Variants in OSBPL9 observed in about 807,000 individuals in gnomAD.
OSBPL9 encodes oxysterol binding protein like 9, also known as oxysterol-binding protein-related protein 9.
Under a neutral mutation model 106.6 loss-of-function variants are expected in OSBPL9, and 40 were observed. The ratio of observed to expected loss-of-function variants is 0.38; its 90% CI spans 0.29 to 0.49. OSBPL9 has a LOEUF of 0.49. Ranked by LOEUF, OSBPL9 falls within the 20% of genes least tolerant of loss-of-function variation. The pLI is 0.97. For missense variants in OSBPL9, 609 were observed against 887.2 expected (o/e 0.69, Z 3.98); for synonymous variants, 269 against 295.4 (o/e 0.91, Z 0.92).
At chr1:51,574,625 A>G (rs1271782334), upstream of OSBPL9, among the ~76,000 whole-genome samples, 3 of 152,202 alleles carry the variant, frequency 2.0e-5, no homozygotes, top group Admixed American at 2.0e-4. Context: ...TATCAAAAAA[A>G]AAATAATAAT....
chr1:51,633,234 C>T (rs1289853746), intron 1 of OSBPL9, among the ~76,000 whole-genome samples: 1 of 150,992 alleles, frequency 6.6e-6, no homozygotes, highest in African/African-American at 2.4e-5. Context: ...GCTGGGATTA[C>T]AGGTGTCAGC....
chr1:51,565,356 T>G, the OSBPL9 span, among the ~76,000 whole-genome samples: 1 of 152,186 alleles, frequency 6.6e-6, no homozygotes, highest in Admixed American at 6.5e-5. Flanking sequence ...ACCATGTTAT[T>G]TCCTAACTAA....
chr1:51,752,193 A>G (rs1440774598), intron 8 of OSBPL9, among the ~76,000 whole-genome samples: 2 of 151,996 alleles, frequency 1.3e-5, no homozygotes, highest in Non-Finnish European at 2.9e-5. Context: ...CCATTCCAGT[A>G]ACATTGGCTC....
chr1:51,579,515 A>G (rs1001912796), intron 1 of OSBPL9, among the ~76,000 whole-genome samples: 1 of 152,256 alleles, frequency 6.6e-6, no homozygotes, highest in South Asian at 2.1e-4. Context: ...TCAAAAGAGA[A>G]TTTGCTAGAT....
chr1:51,601,267 G>A (rs563823446), intron 2 of OSBPL9, among the ~76,000 whole-genome samples: 2 of 152,360 alleles, frequency 1.3e-5, no homozygotes, highest in South Asian at 2.1e-4. Flanking sequence ...AAATTACTGT[G>A]TAGTCCTGGG....
chr1:51,766,072 G>A, intron 12 of OSBPL9, 91 bp downstream of exon 12: 1 of 1,245,046 alleles, frequency 8.0e-7, no homozygotes, highest in African/African-American at 1.6e-5. Context: ...TGACAGACTT[G>A]CCTCATCAGT....
At chr1:51,741,814 T>C (rs1666984769) in intron 4 of OSBPL9, among the ~76,000 whole-genome samples, 1 of 152,190 alleles carries the variant, frequency 6.6e-6, no homozygotes, top group Non-Finnish European at 1.5e-5. Flanking sequence ...TTGTGTATAA[T>C]TTAAACTTTA....
intron 2 of OSBPL9, among the ~76,000 whole-genome samples, chr1:51,667,523 C>CAG (rs1156787526): frequency 6.6e-6 from 1 of 152,122 alleles, no homozygotes; most frequent in Non-Finnish European, 1.5e-5. Context: ...AAGGTTCATC[C>CAG]AGAGAGAGAT....
intron 1 of OSBPL9, among the ~76,000 whole-genome samples, chr1:51,582,594 T>C (rs1645227050): frequency 6.6e-6 from 1 of 152,066 alleles, no homozygotes; most frequent in Admixed American, 6.6e-5. Context: ...CCTCCCAAAG[T>C]GCTAGGATTA....
intron 2 of OSBPL9, among the ~76,000 whole-genome samples, chr1:51,606,027 GGAAA>G (rs943791811): frequency 2.0e-5 from 3 of 151,716 alleles, no homozygotes; most frequent in South Asian, 2.1e-4. Flanking sequence ...AGAAAAGGAA[GGAAA>G]GAAAGGAAAG....
intron 15 of OSBPL9, among the ~76,000 whole-genome samples, chr1:51,778,730 GC>G (rs955792896): frequency 6.6e-6 from 1 of 151,052 alleles, no homozygotes; most frequent in East Asian, 1.9e-4. Flanking sequence ...CCACCTCCCC[GC>G]CCCCCCAAAA....
chr1:51,688,020 A>G (rs183317420), intron 3 of OSBPL9, among the ~76,000 whole-genome samples: 12 of 152,272 alleles, frequency 7.9e-5, no homozygotes, highest in Non-Finnish European at 8.8e-5. Flanking sequence ...CTGATTGTCA[A>G]TGGATGGACT....
At chr1:51,530,788 AG>A in the OSBPL9 span, among the ~76,000 whole-genome samples, 2 of 151,942 alleles carry the variant, frequency 1.3e-5, no homozygotes, top group African/African-American at 4.8e-5. Flanking sequence ...ACTTGAGGTC[AG>A]TTTGAGACCA....
At chr1:51,567,717 C>T in the OSBPL9 span, 1 of 152,214 alleles carries the variant, frequency 6.6e-6, no homozygotes, top group South Asian at 2.1e-4. Flanking sequence ...AAATGCATCT[C>T]CTTCCCCCTT....
intron 2 of OSBPL9, among the ~76,000 whole-genome samples, chr1:51,665,198 G>A (rs1478989703): frequency 6.6e-6 from 1 of 152,212 alleles, no homozygotes; most frequent in Non-Finnish European, 1.5e-5. Flanking sequence ...AGGCTGGAGT[G>A]CAATGGGGCA....
chr1:51,727,257 G>A (rs149486037), intron 4 of OSBPL9, among the ~76,000 whole-genome samples: 128 of 151,496 alleles, frequency 8.4e-4, no homozygotes, highest in African/African-American at 1.4e-3. Flanking sequence ...AAGAGTATTA[G>A]TGAAGGTTAA....
At chr1:51,740,747 C>T (rs1348582320) in intron 4 of OSBPL9, among the ~76,000 whole-genome samples, 2 of 152,124 alleles carry the variant, frequency 1.3e-5, no homozygotes, top group Non-Finnish European at 2.9e-5. Flanking sequence ...TGTTATTACT[C>T]AGCCTTCCTG....
intron 4 of OSBPL9, among the ~76,000 whole-genome samples, chr1:51,731,771 GT>G (rs1664497989): frequency 1.5e-5 from 2 of 136,526 alleles, no homozygotes; most frequent in African/African-American, 5.7e-5. Context: ...GCAAGAGTCT[GT>G]CTCAAAAAAA....
chr1:51,645,540 A>G lies in OSBPL9; in HGVS notation c.112-6451A>G, dbSNP rs530931835. Among the ~76,000 whole-genome samples, 109 of 151,852 alleles carry G rather than the reference A, an allele frequency of 7.2e-4. 2 individuals carry two copies. In the South Asian group the frequency reaches 0.021, roughly 30 times the overall value. ...GTTGCCCAGGCTATGGTGCAGTGGC[A>G]TGATTATAGCTCATCATAACCTCAA... is the stretch of plus-strand genomic sequence containing the variant. On this transcript the variant is annotated intron_variant, in intron 1 of 23. Transcript: ENST00000428468.
Sources: allele counts gnomAD v4.1 joint callset (sites outside exome capture counted in the v4.1 genomes callset), GRCh38; gene constraint gnomAD v4.1.1; transcripts MANE v1.5; gene names NCBI Gene and HGNC (gene_info 2026-07-23, HGNC 2026-07-21).